Variants in VWA3A observed in about 807,000 individuals in gnomAD.
VWA3A encodes von Willebrand factor A domain containing 3A, also known as von Willebrand factor A domain-containing protein 3A.
VWA3A carries 134 observed loss-of-function variants against 160.4 expected under a neutral mutation model. That is an observed-to-expected ratio of 0.84 (90% CI 0.73 to 0.96). The LOEUF (loss-of-function observed/expected upper bound fraction) is 0.96, where lower values mean the gene tolerates loss of function less well. VWA3A is among the 40% of genes least tolerant of loss of function. The pLI, the probability that VWA3A is intolerant of heterozygous loss-of-function variation, is 0.00. For missense variants in VWA3A, 1,310 were observed against 1,447.9 expected (o/e 0.90, Z 1.55); for synonymous variants, 476 against 543.4 (o/e 0.88, Z 1.72).
Position 22,155,580 on chromosome 16 carries a change from C to A in VWA3A, c.3419C>A (p.Pro1140Gln), listed in dbSNP as rs771218460. Reference sequence around the variant, plus strand: ...CCTCTTTTCAAGGATCCCACATTGCCACCATTTGAAGGAGATGATTTAAGG... The same window carrying A: ...CCTCTTTTCAAGGATCCCACATTGCAACCATTTGAAGGAGATGATTTAAGG... ...GFINEKDPTLPPFEGDDLRIL... is the reference protein window; with the variant it reads ...GFINEKDPTLQPFEGDDLRIL... The change falls in exon 32 of 34, where the codon CCA (proline) becomes CAA (glutamine). Residue 1140 changes from proline to glutamine, a missense_variant. Transcript: ENST00000389398. 9.9e-6 allele frequency: 16 copies of A among 1,613,896 alleles called. No homozygotes were observed. Among genetic ancestry groups the A allele is most frequent in the Non-Finnish European group, 1.4e-5 (16 of 1,179,850 alleles).
intron 1 of VWA3A, among the ~76,000 whole-genome samples, chr16:22,093,952 T>TTTA (rs1901437553): frequency 1.3e-5 from 2 of 151,298 alleles, no homozygotes; most frequent in African/African-American, 4.9e-5. Flanking sequence ...TTTTTTTTTT[T>TTTA]TATATAGAGA....
chr16:22,139,952 T>A (rs1031718606), intron 22 of VWA3A, among the ~76,000 whole-genome samples: 2 of 152,090 alleles, frequency 1.3e-5, no homozygotes, highest in Non-Finnish European at 2.9e-5. Flanking sequence ...TACACACATG[T>A]ACACACCCAT....
intron 16 of VWA3A, among the ~76,000 whole-genome samples, chr16:22,125,450 A>G (rs1026238444): frequency 2.6e-5 from 4 of 151,672 alleles, no homozygotes; most frequent in Non-Finnish European, 4.4e-5. Flanking sequence ...TTGAGACGGA[A>G]TCTCGCTCTG....
Position 22,140,247 on chromosome 16 carries a change from A to G in VWA3A, c.2383+3A>G. The G allele has an allele frequency of 6.2e-7, 1 of 1,613,214 alleles. No homozygotes were observed. Among genetic ancestry groups the G allele is most frequent in the Non-Finnish European group, 8.5e-7 (1 of 1,179,472 alleles). On this transcript the variant is annotated splice_donor_region_variant and intron_variant, in intron 23 of 33. Coordinates refer to ENST00000389398, the MANE Select transcript of VWA3A (RefSeq NM_173615.5). ...TAGCAGAGTTGGCATCTCACCAGGT[A>G]AGGCACCATCACGGTCAGGCAGGGT...
In VWA3A at chr16:22,150,793, C is replaced by G. The variant is rs1481286340; in HGVS notation, c.3228C>G (p.Leu1076=). The change falls in exon 30 of 34, where the codon CTC becomes CTG. Residue 1076 remains leucine, a synonymous_variant. Coordinates refer to ENST00000389398, the MANE Select transcript of VWA3A (RefSeq NM_173615.5). ...CSLVLNEVQK[L]REKRDVKVHT... is the part of the protein sequence containing the mutation. ...TTGTCCTAAATGAAGTCCAAAAACT[C>G]AGGGAGAAAAGAGATGTGAAAGTGC... 1 of 1,613,454 alleles carries G rather than the reference C, an allele frequency of 6.2e-7. No homozygotes were observed. Among genetic ancestry groups the G allele is most frequent in the East Asian group, 2.2e-5 (1 of 44,864 alleles).
At chr16:22,121,342 G>T (rs1452792127) in intron 13 of VWA3A, among the ~76,000 whole-genome samples, 172 bp from the exon 14 acceptor site, 2 of 152,128 alleles carry the variant, frequency 1.3e-5, no homozygotes, top group Non-Finnish European at 2.9e-5. Context: ...ACTCAGGTAG[G>T]CTGAGGCAGG....
At chr16:22,126,374 C>T (rs1178929532) in intron 17 of VWA3A, 77 bp downstream of exon 17, 26 of 1,541,710 alleles carry the variant, frequency 1.7e-5, no homozygotes, top group South Asian at 2.5e-5. Flanking sequence ...AGGCTTTGGA[C>T]GTTGCTGGAC....
At chr16:22,100,679 A>AT (rs1157654964) in intron 5 of VWA3A, among the ~76,000 whole-genome samples, 186 bp downstream of exon 5, 2 of 151,796 alleles carry the variant, frequency 1.3e-5, no homozygotes, top group East Asian at 1.9e-4. Context: ...TACTAAAAAT[A>AT]TTTTTTTAAA....
chr16:22,131,247 C>T lies in VWA3A; in HGVS notation c.1695C>T (p.Pro565=), dbSNP rs753087462. 1.3e-5 allele frequency: 21 copies of T among 1,613,934 alleles called. No homozygotes were observed. Among genetic ancestry groups the T allele is most frequent in the East Asian group, 2.2e-5 (1 of 44,886 alleles). The part of the protein sequence containing the change: ...TIESWRPEMV[P]VSHNNLQSAW... Reference sequence around the variant, plus strand: ...AAAGCTGGAGGCCTGAGATGGTTCCCGTGAGTCACAACAATTTACAAAGTG... The same window carrying T: ...AAAGCTGGAGGCCTGAGATGGTTCCTGTGAGTCACAACAATTTACAAAGTG... The change falls in exon 18 of 34, where the codon CCC becomes CCT. Residue 565 remains proline (P), a synonymous_variant. Transcript: ENST00000389398.
At chr16:22,114,129 TG>T (rs2045596911) in intron 8 of VWA3A, among the ~76,000 whole-genome samples, 1 of 152,158 alleles carries the variant, frequency 6.6e-6, no homozygotes, top group Non-Finnish European at 1.5e-5. Flanking sequence ...GTGCTAGACC[TG>T]GGACTTATTC....
chr16:22,122,152 G>GATGC (rs2045747362), intron 14 of VWA3A, among the ~76,000 whole-genome samples: 1 of 140,380 alleles, frequency 7.1e-6, no homozygotes, highest in African/African-American at 2.6e-5. Flanking sequence ...TGGATGGATG[G>GATGC]ATAGGTAAAT....
At chr16:22,112,259 G>C (rs1443189536) in intron 8 of VWA3A, among the ~76,000 whole-genome samples, 1 of 152,048 alleles carries the variant, frequency 6.6e-6, no homozygotes, top group African/African-American at 2.4e-5. Context: ...ACCATGTATT[G>C]GTTACCATAC....
intron 31 of VWA3A, among the ~76,000 whole-genome samples, chr16:22,154,035 G>A (rs1188937797): frequency 2.6e-5 from 4 of 152,120 alleles, no homozygotes; most frequent in East Asian, 1.9e-4. Context: ...CGTCAGGCTC[G>A]GCTGGCATAA....
intron 3 of VWA3A, 65 bp from the exon 4 acceptor site, chr16:22,100,129 T>G: frequency 6.8e-7 from 1 of 1,479,296 alleles, no homozygotes; most frequent in South Asian, 1.4e-5. Context: ...GGTATCTGTG[T>G]GAAGGGAACC....
rs562958019 is a variant in VWA3A, at chr16:22,138,681, G to A, written c.2292+169G>A. 1.5e-4 allele frequency: 130 copies of A among 884,410 alleles called. No individual in the cohort carries two copies. In the Admixed American group the frequency reaches 2.0e-3, roughly 13 times the overall value. 54.8% of individuals were successfully genotyped at this position (884,410 alleles called of 1,614,324 possible). ...GGCCTCCAGGGGGAAAATCTCCCGC[G>A]GGGGGCCGGCTCCTCAGCTCTCGGG... is the stretch of plus-strand genomic sequence containing the variant. On this transcript the variant is annotated intron_variant, in intron 22 of 33. Coordinates refer to ENST00000389398, the MANE Select transcript of VWA3A (RefSeq NM_173615.5).
intron 25 of VWA3A, among the ~76,000 whole-genome samples, chr16:22,143,525 T>C: frequency 6.6e-6 from 1 of 152,168 alleles, no homozygotes; most frequent in East Asian, 1.9e-4. Context: ...ACAAGGAGAC[T>C]GAGATTATCC....
intron 5 of VWA3A, among the ~76,000 whole-genome samples, chr16:22,102,805 C>A (rs1461826137): frequency 3.9e-5 from 6 of 152,064 alleles, no homozygotes; most frequent in Non-Finnish European, 8.8e-5. Flanking sequence ...CGTAAGAACA[C>A]CCTCCCCCAC....
At position 22,118,938 on chromosome 16, in the gene VWA3A, G is replaced by T; in HGVS notation, c.1027G>T (p.Glu343Ter). The change falls in exon 12 of 34, where the codon GAA becomes TAA. Residue 343 changes from glutamate (E) to a stop codon, truncating the protein, a stop_gained. Transcript: ENST00000389398. LOFTEE classifies it high-confidence loss of function. ...CCGGGACATGGATGAGCTCCTGGCA[G>T]AAATTCAGAAGGCCCAGAGCCTCCT... ...TSRDMDELLA[E>*]IQKAQSLLSH... The T allele has an allele frequency of 6.2e-7, 1 of 1,613,988 alleles. No homozygotes were observed. Among genetic ancestry groups the T allele is most frequent in the Non-Finnish European group, 8.5e-7 (1 of 1,179,878 alleles).
intron 11 of VWA3A, 73 bp from the exon 12 acceptor site, chr16:22,118,829 T>C (rs2045687062): frequency 6.3e-7 from 1 of 1,590,592 alleles, no homozygotes; most frequent in South Asian, 1.2e-5. Context: ...GCCTGGCTGC[T>C]TGCCCCTTCC....
Sources: allele counts gnomAD v4.1 joint callset (sites outside exome capture counted in the v4.1 genomes callset), GRCh38; gene constraint gnomAD v4.1.1; transcripts MANE v1.5; gene names NCBI Gene and HGNC (gene_info 2026-07-23, HGNC 2026-07-21).